NUMB: variants seen among roughly 807,000 people sequenced by gnomAD.
NUMB encodes the protein protein numb homolog.
NUMB carries 29 observed loss-of-function variants against 59.7 expected under a neutral mutation model. The ratio of observed to expected loss-of-function variants is 0.49; its 90% confidence interval spans 0.36 to 0.66. NUMB has a LOEUF of 0.66. Ranked by LOEUF, NUMB falls within the 30% of genes least tolerant of loss-of-function variation. The probability of loss-of-function intolerance (pLI) is 0.00; values close to 1 mark genes in which losing one functional copy is unlikely to be tolerated. For missense variants in NUMB, 723 were observed against 822.0 expected (o/e 0.88, Z 1.47); for synonymous variants, 288 against 288.2 (o/e 1.00, Z 0.01).
chr14:73,395,199 G>GTA (rs1224134034), intron 2 of NUMB, among the ~76,000 whole-genome samples: 1 of 144,122 alleles, frequency 6.9e-6, no homozygotes, highest in East Asian at 1.9e-4. Context: ...TACACATGAT[G>GTA]TATACACACA....
rs766831229 is a variant in NUMB, at chr14:73,276,741, G to A, written c.1793C>T (p.Ala598Val). ...AACCTCTGTATGCCTGTCTGCTGAG[G>A]CCAACCTGCCATCATCTACACCATT... ...AFNGVDDGRL[A>V]SADRHTEVPT... Residue 598 changes from alanine to valine, a missense_variant, in exon 13 of 13, where the codon GCC becomes GTC. Transcript: ENST00000555238. 3 of 1,614,010 alleles carry A rather than the reference G, an allele frequency of 1.9e-6. No individual in the cohort carries two copies. The highest frequency in any genetic ancestry group is 2.5e-6 in the Non-Finnish European group (3 of 1,180,012).
chr14:73,336,360 AAAGATCATGAAAGAACTACTGCT>A (rs1366614801), intron 4 of NUMB, among the ~76,000 whole-genome samples: 1 of 152,244 alleles, frequency 6.6e-6, no homozygotes, highest in African/African-American at 2.4e-5. Context: ...AAACCCAGGC[AAAGATCATGAAAGAACTACTGCT>A]ATTTTCATCA....
chr14:73,452,383 A>C (rs535283027), intron 1 of NUMB, among the ~76,000 whole-genome samples: 1 of 152,032 alleles, frequency 6.6e-6, no homozygotes, highest in South Asian at 2.1e-4. Flanking sequence ...AAACAAAACA[A>C]AACTGGGCAG....
chr14:73,297,194 A>G lies in NUMB; in HGVS notation c.309+17T>C. 6.6e-7 allele frequency: 1 copy of G among 1,511,472 alleles called. No individual in the cohort carries two copies. The highest frequency in any genetic ancestry group is 1.2e-5 in the South Asian group (1 of 86,324). 93.6% of individuals were successfully genotyped at this position (1,511,472 alleles called of 1,614,324 possible). On this transcript the variant is annotated intron_variant, in intron 7 of 12. Coordinates refer to ENST00000555238, the MANE Select transcript of NUMB (RefSeq NM_001005743.2). ...AAAAAAAATAAAATAAATCAAAATA[A>G]AAATAAAGAATCTTACCTTAGTTTT...
At chr14:73,423,712 A>C (rs1054993023) in intron 1 of NUMB, among the ~76,000 whole-genome samples, 1 of 152,092 alleles carries the variant, frequency 6.6e-6, no homozygotes, top group Non-Finnish European at 1.5e-5. Context: ...TGGGAGGCTA[A>C]GGCAGGAGAA....
At chr14:73,440,991 C>T (rs1169707885) in intron 1 of NUMB, among the ~76,000 whole-genome samples, 7 of 149,656 alleles carry the variant, frequency 4.7e-5, no homozygotes, top group African/African-American at 1.7e-4. Flanking sequence ...TTTTGTGCTT[C>T]AAAGAACATC....
chr14:73,360,548 A>G (rs997280433), intron 3 of NUMB, among the ~76,000 whole-genome samples: 1 of 151,982 alleles, frequency 6.6e-6, no homozygotes, highest in African/African-American at 2.4e-5. Context: ...ACAAAGTGAG[A>G]CTCCATCTCA....
At chr14:73,394,257 T>G (rs1896008599) in intron 2 of NUMB, among the ~76,000 whole-genome samples, 1 of 152,184 alleles carries the variant, frequency 6.6e-6, no homozygotes, top group African/African-American at 2.4e-5. Context: ...CAAATAAAAA[T>G]TATGTATTTA....
intron 2 of NUMB, among the ~76,000 whole-genome samples, chr14:73,377,598 C>T (rs1895014151): frequency 6.6e-6 from 1 of 152,144 alleles, no homozygotes; most frequent in African/African-American, 2.4e-5. Flanking sequence ...CGAGATCATG[C>T]CATTACACTC....
intron 8 of NUMB, among the ~76,000 whole-genome samples, chr14:73,289,485 C>G (rs540753811): frequency 2.0e-5 from 3 of 152,266 alleles, no homozygotes; most frequent in African/African-American, 7.2e-5. Context: ...TATTTGGGAA[C>G]AGGAAGTCTT....
At chr14:73,304,313 CTT>C (rs150079775) in intron 6 of NUMB, among the ~76,000 whole-genome samples, 11,449 of 152,004 alleles carry the variant, frequency 0.075, 1,036 homozygotes, top group African/African-American at 0.21. Flanking sequence ...TTCTTTCTTT[CTT>C]TCTTTTTTCA....
chr14:73,433,172 A>G (rs930853673), intron 1 of NUMB, among the ~76,000 whole-genome samples: 1 of 152,118 alleles, frequency 6.6e-6, no homozygotes, highest in African/African-American at 2.4e-5. Flanking sequence ...GCAGCAAGCC[A>G]GCACTTTGGG....
chr14:73,439,533 G>A (rs1428798971), intron 1 of NUMB, among the ~76,000 whole-genome samples: 1 of 152,120 alleles, frequency 6.6e-6, no homozygotes, highest in Non-Finnish European at 1.5e-5. Context: ...TTACATGGGA[G>A]ACTTTAATAT....
intron 4 of NUMB, among the ~76,000 whole-genome samples, chr14:73,323,957 TC>T (rs1891533600): frequency 6.6e-6 from 1 of 152,126 alleles, no homozygotes; most frequent in Non-Finnish European, 1.5e-5. Context: ...GGTCTGACCT[TC>T]TCTTGACCTC....
rs1304047729 is a variant in NUMB at position 73,372,311 on chromosome 14, A to ATATATATATATATATATAACCTTT, written c.-100-5331_-100-5330insAAAGGTTATATATATATATATATA. Among the ~76,000 whole-genome samples, 178 of 93,690 alleles carry ATATATATATATATATATAACCTTT rather than the reference A, an allele frequency of 1.9e-3. 5 individuals carry two copies. Among genetic ancestry groups the ATATATATATATATATATAACCTTT allele is most frequent in the African/African-American group, 8.8e-3 (171 of 19,380 alleles). 61.5% of individuals were successfully genotyped at this position (93,690 alleles called of 152,430 possible). A position where few individuals can be genotyped will look rare whatever the true frequency, so the allele number is the denominator to read the frequency against. On this transcript the variant is annotated intron_variant, in intron 2 of 12. Transcript: ENST00000555238. Reference sequence around the variant, plus strand: ...GAATATATATATATTTCTTTTATATATATATATATATATATATATATATAT... The same window carrying ATATATATATATATATATAACCTTT: ...GAATATATATATATTTCTTTTATATATATATATATATATATATAACCTTTTATATATATATATATATATATATAT...
At chr14:73,388,720 T>C (rs187811078) in intron 2 of NUMB, among the ~76,000 whole-genome samples, 225 of 152,256 alleles carry the variant, frequency 1.5e-3, no homozygotes, top group African/African-American at 5.2e-3. Flanking sequence ...CCCAGCACTT[T>C]GAGAGGCTGA....
chr14:73,405,355 G>T (rs1175615792), intron 2 of NUMB, among the ~76,000 whole-genome samples: 1 of 151,956 alleles, frequency 6.6e-6, no homozygotes, highest in African/African-American at 2.4e-5. Context: ...GAACCCTCTA[G>T]CTCTGGCTCA....
intron 1 of NUMB, among the ~76,000 whole-genome samples, chr14:73,454,207 T>C (rs1182732026): frequency 6.6e-6 from 1 of 151,882 alleles, no homozygotes; most frequent in Non-Finnish European, 1.5e-5. Context: ...AAACTAAAAG[T>C]TGAATTTTTT....
At chr14:73,319,106 T>C (rs781637240) in intron 5 of NUMB, among the ~76,000 whole-genome samples, 3 of 152,070 alleles carry the variant, frequency 2.0e-5, no homozygotes, top group Non-Finnish European at 4.4e-5. Flanking sequence ...AAACCCCGTC[T>C]CATACAATTA....
Sources: allele counts gnomAD v4.1 joint callset (sites outside exome capture counted in the v4.1 genomes callset), GRCh38; gene constraint gnomAD v4.1.1; transcripts MANE v1.5; gene names NCBI Gene and HGNC (gene_info 2026-07-23, HGNC 2026-07-21).